The following BST1 variants were observed in gnomAD, a reference collection of about 807,000 sequenced individuals.
BST1 encodes the protein bone marrow stromal cell antigen 1, also known as ADP-ribosyl cyclase/cyclic ADP-ribose hydrolase 2.
A neutral mutation model predicts 40.6 loss-of-function variants in BST1; 49 were observed. The ratio of observed to expected loss-of-function variants is 1.21; its 90% CI spans 0.96 to 1.53. The LOEUF (loss-of-function observed/expected upper bound fraction) is 1.53, where lower values mean the gene tolerates loss of function less well. BST1 is among the 40% of genes most tolerant of loss of function. The pLI, the probability that BST1 is intolerant of heterozygous loss-of-function variation, is 0.00. For synonymous variants in BST1, 157 were observed against 159.3 expected (o/e 0.99, Z 0.11); for missense variants, 423 against 395.9 (o/e 1.07, Z -0.58).
the BST1 span, among the ~76,000 whole-genome samples, chr4:15,767,294 T>C: frequency 2.4e-3 from 360 of 152,096 alleles, 3 homozygotes; most frequent in African/African-American, 8.2e-3. Context: ...CAGTTTGAAA[T>C]ACTACTTTTT....
In BST1 at chr4:15,703,235, C is replaced by A; in HGVS notation, c.91C>A (p.Arg31Ser). Residue 31 changes from arginine (R) to serine (S), a missense_variant, in exon 1 of 9, where the codon CGC becomes AGC. By Grantham distance (110) the Arg-to-Ser change is moderately radical (BLOSUM62 -1). Coordinates refer to ENST00000265016, the MANE Select transcript of BST1 (RefSeq NM_004334.3). ...GTTGCTGCTGGCGGCGGGCGGGGCG[C>A]GCGCGCGGTGGCGCGGGGAGGGCAC... ...LLLLLAAGGA[R>S]ARWRGEGTSA... 6.5e-7 allele frequency: 1 copy of A among 1,544,740 alleles called. No homozygotes were observed. The highest frequency in any genetic ancestry group is 8.7e-7 in the Non-Finnish European group (1 of 1,147,126).
intron 1 of BST1, among the ~76,000 whole-genome samples, chr4:15,703,798 G>A (rs1719701738): frequency 6.9e-6 from 1 of 144,310 alleles, no homozygotes; most frequent in Non-Finnish European, 1.5e-5. Flanking sequence ...GTGTTCTAGA[G>A]GTAAGGGGTG....
chr4:15,725,928 C>T (rs1721079634), intron 8 of BST1, among the ~76,000 whole-genome samples: 2 of 149,894 alleles, frequency 1.3e-5, no homozygotes, highest in South Asian at 4.2e-4. Context: ...TTCTGACTGA[C>T]CTACTTGTGA....
At chr4:15,770,403 G>T in the BST1 span, among the ~76,000 whole-genome samples, 2 of 151,970 alleles carry the variant, frequency 1.3e-5, no homozygotes, top group South Asian at 2.1e-4. Context: ...CTTTTCAAAG[G>T]CTTCCTAAAA....
At chr4:15,763,799 A>G in the BST1 span, among the ~76,000 whole-genome samples, 1 of 152,164 alleles carries the variant, frequency 6.6e-6, no homozygotes, top group South Asian at 2.1e-4. Context: ...GCATATTGCT[A>G]AGTGAACGAA....
At chr4:15,735,658 A>G (rs1721532539), downstream of BST1, among the ~76,000 whole-genome samples, 1 of 152,200 alleles carries the variant, frequency 6.6e-6, no homozygotes, top group Non-Finnish European at 1.5e-5. Context: ...CCAATTCATA[A>G]TTCATGGTTT....
At chr4:15,764,321 T>C in the BST1 span, among the ~76,000 whole-genome samples, 1 of 152,088 alleles carries the variant, frequency 6.6e-6, no homozygotes, top group Non-Finnish European at 1.5e-5. Context: ...TTTGCTTTTG[T>C]TTTTAACTTG....
chr4:15,734,737 A>G (rs1418455638), downstream of BST1, among the ~76,000 whole-genome samples: 1 of 152,174 alleles, frequency 6.6e-6, no homozygotes, highest in East Asian at 1.9e-4. Flanking sequence ...AGGAATTCAG[A>G]TAAGACAAAT....
In BST1 at chr4:15,707,513, C is replaced by T; in HGVS notation, c.318C>T (p.Ser106=). 6.2e-7 allele frequency: 1 copy of T among 1,613,520 alleles called. No homozygotes were observed. The change falls in exon 3 of 9, where the codon TCC becomes TCT. Residue 106 remains serine (S), a splice_region_variant and synonymous_variant. Coordinates refer to ENST00000265016, the MANE Select transcript of BST1 (RefSeq NM_004334.3). ...LSRHSIPRDK[S]LFWENSHLLV... Reference sequence around the variant, plus strand: ...ATGTTTTGTTTGTCTTTCCTTAGTCCCTGTTCTGGGAAAATAGCCACCTCC... The same window carrying T: ...ATGTTTTGTTTGTCTTTCCTTAGTCTCTGTTCTGGGAAAATAGCCACCTCC...
chr4:15,730,198 G>A (rs993222499), intron 8 of BST1, among the ~76,000 whole-genome samples: 1 of 152,164 alleles, frequency 6.6e-6, no homozygotes, highest in African/African-American at 2.4e-5. Flanking sequence ...AACTTTTAAG[G>A]ACAGGGCCAC....
the BST1 span, among the ~76,000 whole-genome samples, chr4:15,762,160 G>A: frequency 8.2e-6 from 1 of 121,954 alleles, no homozygotes; most frequent in Admixed American, 1.1e-4. Context: ...CTGCACTCCA[G>A]CCTGGGCGAC....
chr4:15,747,500 A>C, the BST1 span, among the ~76,000 whole-genome samples: 3 of 152,196 alleles, frequency 2.0e-5, no homozygotes, highest in Non-Finnish European at 4.4e-5. Context: ...CCGTGAAGCC[A>C]GTACCCCCAT....
the BST1 span, among the ~76,000 whole-genome samples, chr4:15,760,357 A>T: frequency 1.3e-5 from 2 of 151,550 alleles, no homozygotes; most frequent in African/African-American, 4.9e-5. Context: ...GTTTCTGTTT[A>T]TCAATTATTA....
At chr4:15,767,916 C>T in the BST1 span, among the ~76,000 whole-genome samples, 1 of 152,192 alleles carries the variant, frequency 6.6e-6, no homozygotes, top group African/African-American at 2.4e-5. Flanking sequence ...CCACCATGCT[C>T]AGCCCCCTTG....
the BST1 span, among the ~76,000 whole-genome samples, chr4:15,749,558 G>T: frequency 6.6e-6 from 1 of 152,142 alleles, no homozygotes; most frequent in South Asian, 2.1e-4. Context: ...TCAAAGCAAA[G>T]AATAGCTCTG....
At chr4:15,748,446 G>A in the BST1 span, among the ~76,000 whole-genome samples, 1 of 152,104 alleles carries the variant, frequency 6.6e-6, no homozygotes, top group Non-Finnish European at 1.5e-5. Flanking sequence ...AACTCTCTGG[G>A]GGGTCATGGG....
the BST1 span, among the ~76,000 whole-genome samples, chr4:15,767,631 TA>T: frequency 6.6e-6 from 1 of 151,656 alleles, no homozygotes; most frequent in Non-Finnish European, 1.5e-5. Context: ...TCAAGTTTTA[TA>T]AAAATCAGAA....
chr4:15,750,675 T>C, the BST1 span, among the ~76,000 whole-genome samples: 12 of 152,328 alleles, frequency 7.9e-5, no homozygotes, highest in African/African-American at 2.9e-4. Flanking sequence ...TTCAAAGACT[T>C]GGTACAAAGA....
chr4:15,718,347 T>G (rs10008644), intron 6 of BST1, among the ~76,000 whole-genome samples: 49,631 of 151,892 alleles, frequency 0.33, 9,480 homozygotes, highest in African/African-American at 0.53. Context: ...ACCCTTTGCT[T>G]TATTTTTAAA....
Sources: allele counts gnomAD v4.1 joint callset (sites outside exome capture counted in the v4.1 genomes callset), GRCh38; gene constraint gnomAD v4.1.1; transcripts MANE v1.5; gene names NCBI Gene and HGNC (gene_info 2026-07-23, HGNC 2026-07-21).